RALGPS2: variants seen among roughly 807,000 people sequenced by gnomAD.
RALGPS2 encodes Ral GEF with PH domain and SH3 binding motif 2.
A neutral mutation model predicts 86.8 loss-of-function variants in RALGPS2; 43 were observed. The observed-to-expected ratio is 0.50, with a 90% CI of 0.39 to 0.64. The LOEUF (loss-of-function observed/expected upper bound fraction) is 0.64, where lower values mean the gene tolerates loss of function less well. RALGPS2 is among the 30% of genes least tolerant of loss of function. The probability of loss-of-function intolerance (pLI) is 0.00; values close to 1 mark genes in which losing one functional copy is unlikely to be tolerated. For synonymous variants in RALGPS2, 243 were observed against 231.3 expected, an observed-to-expected ratio of 1.05 and a Z score of -0.46; for missense variants, 536 against 694.6, an observed-to-expected ratio of 0.77 and a Z score of 2.57.
intron 19 of RALGPS2, among the ~76,000 whole-genome samples, chr1:178,910,722 T>A (rs1358325174): frequency 6.6e-6 from 1 of 152,306 alleles, no homozygotes; most frequent in African/African-American, 2.4e-5. Flanking sequence ...TGTAGTTCTG[T>A]TTTTTCATTG....
intron 14 of RALGPS2, among the ~76,000 whole-genome samples, chr1:178,891,096 T>C (rs1226604955): frequency 6.6e-6 from 1 of 152,066 alleles, no homozygotes; most frequent in Non-Finnish European, 1.5e-5. Flanking sequence ...TCTGTTCTCA[T>C]CCCAGCAGGT....
chr1:178,875,011 T>C (rs1348393119), intron 8 of RALGPS2, among the ~76,000 whole-genome samples: 1 of 152,156 alleles, frequency 6.6e-6, no homozygotes, highest in Non-Finnish European at 1.5e-5. Flanking sequence ...GAATCAAAAA[T>C]GTGTCAAGGG....
At chr1:178,769,992 A>G (rs1412215268) in intron 1 of RALGPS2, among the ~76,000 whole-genome samples, 1 of 149,790 alleles carries the variant, frequency 6.7e-6, no homozygotes, top group East Asian at 2.0e-4. Flanking sequence ...TCCTTCCTGA[A>G]TTAAAGCTTA....
At chr1:178,869,705 AT>A (rs1658630597) in intron 8 of RALGPS2, among the ~76,000 whole-genome samples, 1 of 152,104 alleles carries the variant, frequency 6.6e-6, no homozygotes, top group African/African-American at 2.4e-5. Flanking sequence ...GTTGGAAAAA[AT>A]TTTAGCTTTA....
chr1:178,901,198 T>A (rs534367240), intron 17 of RALGPS2, among the ~76,000 whole-genome samples: 1 of 152,144 alleles, frequency 6.6e-6, no homozygotes, highest in African/African-American at 2.4e-5. Context: ...TTTTAAAGCA[T>A]AATAAATAAA....
chr1:178,916,126 A>T (rs1030859340), intron 19 of RALGPS2, among the ~76,000 whole-genome samples: 7 of 152,206 alleles, frequency 4.6e-5, no homozygotes, highest in Non-Finnish European at 1.0e-4. Flanking sequence ...TACTAGAAAG[A>T]GTATTAACTC....
intron 6 of RALGPS2, among the ~76,000 whole-genome samples, chr1:178,815,225 C>T (rs755933493): frequency 7.9e-5 from 12 of 151,918 alleles, no homozygotes; most frequent in Non-Finnish European, 1.5e-4. Context: ...GGATTACAGG[C>T]TCACACCACC....
chr1:178,753,072 C>T (rs1250809664), intron 1 of RALGPS2, among the ~76,000 whole-genome samples: 1 of 152,218 alleles, frequency 6.6e-6, no homozygotes, highest in African/African-American at 2.4e-5. Flanking sequence ...GCCCTCTGTA[C>T]TGTACTTGAA....
At chr1:178,835,405 T>TC (rs1405960888) in intron 8 of RALGPS2, among the ~76,000 whole-genome samples, 1 of 149,746 alleles carries the variant, frequency 6.7e-6, no homozygotes, top group East Asian at 1.9e-4. Context: ...TTTTTTTTTT[T>TC]TTTTTGCGAC....
rs1368311734 is a variant in RALGPS2, at chr1:178,820,291, C to CA, written c.388-1320dup. Among the ~76,000 whole-genome samples the CA allele has an allele frequency of 4.6e-5, 7 of 152,304 alleles. No homozygotes were observed. The East Asian group carries it at 1.4e-3, about 29-fold the overall frequency. On this transcript the variant is annotated intron_variant, in intron 6 of 19. Transcript: ENST00000367635. ...ACCGATGCCTGGCATTCAGTTATAT[C>CA]ATTCTCAAATTTAAAAATTCTCCAA...
intron 8 of RALGPS2, among the ~76,000 whole-genome samples, chr1:178,857,446 GGAGAAGTCACAAGAAAGA>G (rs1425657023): frequency 6.6e-6 from 1 of 152,010 alleles, no homozygotes; most frequent in Non-Finnish European, 1.5e-5. Context: ...GTGGGGGGTG[GGAGAAGTCACAAGAAAGA>G]GAGAATTCCA....
At chr1:178,892,829 T>C (rs1659775307) in intron 15 of RALGPS2, among the ~76,000 whole-genome samples, 1 of 152,126 alleles carries the variant, frequency 6.6e-6, no homozygotes, top group Admixed American at 6.6e-5. Context: ...TGTTATTAGC[T>C]GTGGAGGCAG....
intron 1 of RALGPS2, among the ~76,000 whole-genome samples, chr1:178,767,358 C>CTTTTTTTTTTTTTTTTTTTTTT (rs1159630163): frequency 4.3e-5 from 3 of 70,456 alleles, no homozygotes; most frequent in African/African-American, 1.9e-4. Flanking sequence ...TGTCCTTTGG[C>CTTTTTTTTTTTTTTTTTTTTTT]TTTTTTTTTT....
chr1:178,915,776 T>G (rs952222707), intron 19 of RALGPS2, among the ~76,000 whole-genome samples: 1 of 152,240 alleles, frequency 6.6e-6, no homozygotes, highest in African/African-American at 2.4e-5. Flanking sequence ...CCTCTCCCAG[T>G]ATTTTGGAAA....
chr1:178,832,478 C>G (rs772237644), intron 7 of RALGPS2, among the ~76,000 whole-genome samples: 1 of 152,058 alleles, frequency 6.6e-6, no homozygotes, highest in Non-Finnish European at 1.5e-5. Flanking sequence ...GAGTGGGTAA[C>G]AGAGAGTATT....
chr1:178,760,025 G>GT (rs552947481), intron 1 of RALGPS2, among the ~76,000 whole-genome samples: 22 of 152,126 alleles, frequency 1.4e-4, no homozygotes, highest in Non-Finnish European at 2.9e-5. Context: ...AATATTGTCT[G>GT]TAAACAAGGA....
intron 1 of RALGPS2, among the ~76,000 whole-genome samples, chr1:178,759,256 G>C (rs1335016128): frequency 6.6e-6 from 1 of 152,126 alleles, no homozygotes; most frequent in African/African-American, 2.4e-5. Context: ...TATAAGGTGA[G>C]AGTTAGGGGT....
At chr1:178,885,308 A>T in intron 12 of RALGPS2, 97 bp downstream of exon 12, 1 of 1,239,782 alleles carries the variant, frequency 8.1e-7, no homozygotes, top group Middle Eastern at 2.9e-4. Context: ...ATCCTTGAAT[A>T]GTTTTCTTTT....
At chr1:178,840,046 A>G (rs957562254) in intron 8 of RALGPS2, among the ~76,000 whole-genome samples, 2 of 152,170 alleles carry the variant, frequency 1.3e-5, no homozygotes, top group African/African-American at 4.8e-5. Flanking sequence ...CCACACAATA[A>G]TAATGGGAGA....
Sources: allele counts gnomAD v4.1 joint callset (sites outside exome capture counted in the v4.1 genomes callset), GRCh38; gene constraint gnomAD v4.1.1; transcripts MANE v1.5; gene names NCBI Gene and HGNC (gene_info 2026-07-23, HGNC 2026-07-21).